The following WDR19 variants were observed in gnomAD, a reference collection of about 807,000 sequenced individuals.
WDR19 encodes WD repeat-containing protein 19.
WDR19 carries 121 observed loss-of-function variants against 180.0 expected under a neutral mutation model. That is an observed-to-expected ratio of 0.67 (90% confidence interval 0.58 to 0.78). WDR19 has a LOEUF of 0.78. Ranked by LOEUF, WDR19 falls within the 30% of genes least tolerant of loss-of-function variation. The probability of loss-of-function intolerance (pLI) is 0.00; values close to 1 mark genes in which losing one functional copy is unlikely to be tolerated. For synonymous variants in WDR19, 497 were observed against 540.7 expected, an observed-to-expected ratio of 0.92 and a Z score of 1.12; for missense variants, 1,450 against 1,640.7, an observed-to-expected ratio of 0.88 and a Z score of 2.01.
chr4:39,251,862 G>A (rs1249227588), intron 24 of WDR19, among the ~76,000 whole-genome samples: 1 of 152,104 alleles, frequency 6.6e-6, no homozygotes, highest in Non-Finnish European at 1.5e-5. Flanking sequence ...GAAACAACAG[G>A]TGCTGGAGAC....
chr4:39,199,677 A>G (rs1727172915), intron 6 of WDR19, 84 bp downstream of exon 6: 7 of 1,117,588 alleles, frequency 6.3e-6, no homozygotes, highest in African/African-American at 1.6e-5. Flanking sequence ...AATCTATACA[A>G]TTTTTAAAAA....
intron 28 of WDR19, among the ~76,000 whole-genome samples, chr4:39,265,816 A>G (rs1196376560): frequency 6.6e-6 from 1 of 151,480 alleles, no homozygotes; most frequent in Non-Finnish European, 1.5e-5. Flanking sequence ...TTCTCTGTGC[A>G]TGTGAAAGAA....
rs1375240963 is a variant in WDR19 at position 39,276,603 on chromosome 4, C to G, written c.3717-417C>G. Among the ~76,000 whole-genome samples, 5 of 152,296 alleles carry G rather than the reference C, an allele frequency of 3.3e-5. No individual in the cohort carries two copies. In the East Asian group the frequency reaches 9.6e-4, roughly 29 times the overall value. On this transcript the variant is annotated intron_variant, in intron 33 of 36. Coordinates refer to ENST00000399820, the MANE Select transcript of WDR19 (RefSeq NM_025132.4). ...GCTACCATATTGGATAGCACAGAATCCAAACATTTCCATTGTCACAGACAG... is the reference window on the plus strand; with the variant it reads ...GCTACCATATTGGATAGCACAGAATGCAAACATTTCCATTGTCACAGACAG...
chr4:39,204,096 T>G (rs115412580), intron 7 of WDR19, among the ~76,000 whole-genome samples: 6,091 of 152,114 alleles, frequency 0.04, 170 homozygotes, highest in Non-Finnish European at 0.063. Context: ...TTGTTTGTTT[T>G]TTTTTTGAGA....
chr4:39,244,263 T>C lies in WDR19; in HGVS notation c.2437T>C (p.Cys813Arg). Reference protein sequence around the residue: ...TGDNKEHDEACLAGVAQMSIR... With the variant: ...TGDNKEHDEARLAGVAQMSIR... Reference sequence around the variant, plus strand: ...GTGATTGCAGGAACATGATGAAGCTTGTCTGGCTGGAGTGGCCCAGATGTC... The same window carrying C: ...GTGATTGCAGGAACATGATGAAGCTCGTCTGGCTGGAGTGGCCCAGATGTC... The change falls in exon 22 of 37, where the codon TGT (cysteine) becomes CGT (arginine). Residue 813 changes from cysteine (C) to arginine (R), a missense_variant. Physicochemically the swap from Cys to Arg is radical, Grantham distance 180 (BLOSUM62 -3). Transcript: ENST00000399820. 1.2e-6 allele frequency: 2 copies of C among 1,612,148 alleles called. No individual in the cohort carries two copies. The highest frequency in any genetic ancestry group is 1.7e-6 in the Non-Finnish European group (2 of 1,178,710).
intron 19 of WDR19, among the ~76,000 whole-genome samples, chr4:39,233,543 A>G (rs1731096934): frequency 6.6e-6 from 1 of 152,210 alleles, no homozygotes; most frequent in African/African-American, 2.4e-5. Context: ...TGTAATCATT[A>G]ATATTATTTC....
At chr4:39,246,048 C>G (rs775947139) in intron 24 of WDR19, among the ~76,000 whole-genome samples, 17 of 152,062 alleles carry the variant, frequency 1.1e-4, no homozygotes, top group Non-Finnish European at 2.1e-4. Flanking sequence ...AACACAAGCG[C>G]CAGAGGAGGA....
chr4:39,284,124 A>G (rs1736880896), intron 36 of WDR19, among the ~76,000 whole-genome samples: 1 of 150,852 alleles, frequency 6.6e-6, no homozygotes, highest in South Asian at 2.1e-4. Context: ...CTCAATTGGG[A>G]CATTTTGAGA....
At position 39,199,699 on chromosome 4, in the gene WDR19, G is replaced by T; in HGVS notation, c.522+106G>T. The T allele has an allele frequency of 9.5e-6, 8 of 844,266 alleles. No individual in the cohort carries two copies. The South Asian group carries it at 1.3e-4, about 14-fold the overall frequency. 52.3% of individuals were successfully genotyped at this position (844,266 alleles called of 1,614,324 possible). On this transcript the variant is annotated intron_variant, in intron 6 of 36. Transcript: ENST00000399820. ...ACAATTTTTAAAAATCTATATGTGA[G>T]GTATATATGTGTGTGTGTGTATACA...
Position 39,205,647 on chromosome 4 carries a change from G to C in WDR19, c.801G>C (p.Glu267Asp), listed in dbSNP as rs776714032. ...ISTHTGELGQ[E>D]IFQARNHKDN... is the part of the protein sequence containing the mutation. ...CTCATACTGGAGAGCTTGGTCAAGA[G>C]ATATTTCAGGCTCGTAACCATAAAG... is the stretch of plus-strand genomic sequence containing the variant. Residue 267 changes from glutamate to aspartate, a missense_variant, in exon 9 of 37, where the codon GAG becomes GAC. By Grantham distance (45) the Glu-to-Asp change is conservative. Coordinates refer to ENST00000399820, the MANE Select transcript of WDR19 (RefSeq NM_025132.4). 6.2e-7 allele frequency: 1 copy of C among 1,612,754 alleles called. No homozygotes were observed. The highest frequency in any genetic ancestry group is 8.5e-7 in the Non-Finnish European group (1 of 1,179,316).
chr4:39,212,379 C>A (rs1205779784), intron 9 of WDR19, among the ~76,000 whole-genome samples: 2 of 152,120 alleles, frequency 1.3e-5, no homozygotes, highest in Non-Finnish European at 2.9e-5. Flanking sequence ...TCTTTTGGAT[C>A]TAGGGTTAGG....
rs1436468091 is a variant in WDR19 at position 39,285,056 on chromosome 4, TCA to T, written c.*14-430_*14-429del. On this transcript the variant is annotated intron_variant, in intron 36 of 36. Coordinates refer to ENST00000399820, the MANE Select transcript of WDR19 (RefSeq NM_025132.4). ...GCCTGGGCAATGTAACAAGACCCCA[TCA>T]TCTCCTAGGAAAAAAAAAAAGACAC... 1.0e-4 allele frequency among the ~76,000 whole-genome samples: 4 copies of T among 39,458 alleles called. No homozygotes were observed. In the African/African-American group the frequency reaches 1.4e-3, roughly 13 times the overall value. 25.9% of individuals were successfully genotyped at this position (39,458 alleles called of 152,430 possible).
chr4:39,205,051 CT>C, intron 7 of WDR19, 102 bp from the exon 8 acceptor site: 2 of 754,454 alleles, frequency 2.7e-6, no homozygotes, highest in Non-Finnish European at 4.3e-6. Context: ...CTAAATTGGG[CT>C]TATTATTTTC....
intron 21 of WDR19, among the ~76,000 whole-genome samples, chr4:39,241,467 C>T (rs1731934522): frequency 7.3e-6 from 1 of 137,526 alleles, no homozygotes. Flanking sequence ...GCACCCCAGC[C>T]TGGGCAACAG....
At chr4:39,279,700 CTTTTT>C (rs3068583) in intron 36 of WDR19, among the ~76,000 whole-genome samples, 1 of 100,092 alleles carries the variant, frequency 1.0e-5, no homozygotes, top group Admixed American at 1.0e-4. Flanking sequence ...GTCTGCCTTA[CTTTTT>C]TTTTTTTTTT....
At chr4:39,229,641 T>C (rs1366128256) in intron 17 of WDR19, among the ~76,000 whole-genome samples, 2 of 152,194 alleles carry the variant, frequency 1.3e-5, no homozygotes, top group Admixed American at 6.5e-5. Context: ...TGCTGCTGTT[T>C]ATTGGGGTCT....
intron 1 of WDR19, 149 bp downstream of exon 1, chr4:39,182,712 G>T: frequency 7.9e-7 from 1 of 1,272,456 alleles, no homozygotes; most frequent in South Asian, 1.4e-5. Flanking sequence ...AGAGAGAGCG[G>T]GGGCGAAGCT....
In WDR19 at chr4:39,281,581, CA is replaced by C. The variant is rs554096894; in HGVS notation, c.*13+2920del. 2.3e-3 allele frequency among the ~76,000 whole-genome samples: 351 copies of C among 152,134 alleles called. 2 individuals carry two copies. Among genetic ancestry groups the C allele is most frequent in the Non-Finnish European group, 4.2e-3 (286 of 68,008 alleles). On this transcript the variant is annotated intron_variant, in intron 36 of 36. Coordinates refer to ENST00000399820, the MANE Select transcript of WDR19 (RefSeq NM_025132.4). Reference sequence around the variant, plus strand: ...CTGTTATTCTTTTTATCTTTGTAGACAATTTTAGAATCAGTTTCTCAAATTC... The same window carrying C: ...CTGTTATTCTTTTTATCTTTGTAGACATTTTAGAATCAGTTTCTCAAATTC...
intron 28 of WDR19, among the ~76,000 whole-genome samples, chr4:39,263,781 G>A (rs921028348): frequency 4.6e-5 from 7 of 152,066 alleles, no homozygotes; most frequent in Non-Finnish European, 5.9e-5. Context: ...AAAATTAGCC[G>A]GGAGTGGTGG....
Sources: allele counts gnomAD v4.1 joint callset (sites outside exome capture counted in the v4.1 genomes callset), GRCh38; gene constraint gnomAD v4.1.1; transcripts MANE v1.5; gene names NCBI Gene and HGNC (gene_info 2026-07-23, HGNC 2026-07-21).